The following DDX3X variants were observed in gnomAD, a reference collection of about 807,000 sequenced individuals.
DDX3X encodes the protein DEAD-box helicase 3 X-linked.
Under a neutral mutation model 52.7 loss-of-function variants are expected in DDX3X, and 4 were observed. The ratio of observed to expected loss-of-function variants is 0.08; its 90% CI spans 0.04 to 0.17. The LOEUF (loss-of-function observed/expected upper bound fraction) is 0.17. DDX3X is among the 10% of genes least tolerant of loss of function. DDX3X has a pLI of 1.00. For synonymous variants in DDX3X, 192 were observed against 178.1 expected (o/e 1.08, Z -0.62); for missense variants, 222 against 548.6 (o/e 0.40, Z 5.95).
In DDX3X at chrX:41,343,828, T is replaced by A. The variant is rs1277122647; in HGVS notation, c.765+6T>A. On this transcript the variant is annotated splice_donor_region_variant and intron_variant, in intron 8 of 16. Coordinates refer to ENST00000644876, the MANE Select transcript of DDX3X (RefSeq NM_001356.5). Reference sequence around the variant, plus strand: ...AGGCTTTGAGGGCCATGAAGGTAGATGTTTCTTTATAAAATGGGAAATTGT... The same window carrying A: ...AGGCTTTGAGGGCCATGAAGGTAGAAGTTTCTTTATAAAATGGGAAATTGT... 3 of 1,192,148 alleles carry A rather than the reference T, an allele frequency of 2.5e-6. No homozygotes were observed. The highest frequency in any genetic ancestry group is 4.4e-5 in the Admixed American group (2 of 44,972).
At position 41,344,406 on chromosome X, in the gene DDX3X, T is replaced by G; in HGVS notation, c.1025+7T>G. On this transcript the variant is annotated splice_region_variant and intron_variant, in intron 10 of 16. Coordinates refer to ENST00000644876, the MANE Select transcript of DDX3X (RefSeq NM_001356.5). ...TTGGATTAGACTTTTGCAAGTATGTTTTATTTTGTTTTTGTTTTTTTGTTT... is the reference window on the plus strand; with the variant it reads ...TTGGATTAGACTTTTGCAAGTATGTGTTATTTTGTTTTTGTTTTTTTGTTT... 1 of 1,208,984 alleles carries G rather than the reference T, an allele frequency of 8.3e-7. No individual in the cohort carries two copies. Among genetic ancestry groups the G allele is most frequent in the Non-Finnish European group, 1.1e-6 (1 of 893,392 alleles).
rs983347311 is a variant in DDX3X at position 41,334,478 on chromosome X, G to T, written c.45+181G>T. On this transcript the variant is annotated intron_variant, in intron 1 of 16. Coordinates refer to ENST00000644876, the MANE Select transcript of DDX3X (RefSeq NM_001356.5). ...GAATGTTGGTTGGGGCTGTCGCCCG[G>T]GCCCGGTCTCGGCCCGCTGTATTGT... 7.3e-6 allele frequency: 8 copies of T among 1,098,462 alleles called. No homozygotes were observed. In the African/African-American group the frequency reaches 1.3e-4, roughly 18 times the overall value. The allele number at this position is 1,098,462 out of a possible 1,213,427, so 90.5% of individuals were successfully genotyped here.
chrX:41,334,533 T>C (rs1044044270), intron 1 of DDX3X: 1 of 1,094,365 alleles, frequency 9.1e-7, no homozygotes. Flanking sequence ...GCGGCTTTTG[T>C]GTGTGCGTGC....
Position 41,345,343 on chromosome X carries a change from AATTTT to A in DDX3X, c.1170+24_1170+28del. ...AATACAGGTACTGTTTGATGTTGCAAATTTTATTTATTTAGAAATTTGTTTATCTC... is the reference window on the plus strand; with the variant it reads ...AATACAGGTACTGTTTGATGTTGCAAATTTATTTAGAAATTTGTTTATCTC... On this transcript the variant is annotated intron_variant, in intron 11 of 16. Transcript: ENST00000644876. 2 of 1,202,940 alleles carry A rather than the reference AATTTT, an allele frequency of 1.7e-6. No homozygotes were observed. Among genetic ancestry groups the A allele is most frequent in the Non-Finnish European group, 2.2e-6 (2 of 892,533 alleles).
rs773582897 is a variant in DDX3X, at chrX:41,350,091, G to T, written c.*2372G>T. On this transcript the variant is annotated 3_prime_UTR_variant, in exon 17 of 17. Transcript: ENST00000644876. ...AGGATTTAAACTTGCTGAATGTAAA[G>T]ATTGAACCTCAAGTCACTGTAGCTT... The T allele has an allele frequency of 4.5e-5, 5 of 112,230 alleles. No individual in the cohort carries two copies. In the Admixed American group the frequency reaches 4.8e-4, roughly 11 times the overall value. 9.2% of individuals were successfully genotyped at this position (112,230 alleles called of 1,213,427 possible). A position where few individuals can be genotyped will look rare whatever the true frequency, so the allele number is the denominator to read the frequency against.
chrX:41,352,171 C>T (rs767231950), downstream of DDX3X, among the ~76,000 whole-genome samples: 11 of 111,300 alleles, frequency 9.9e-5, no homozygotes, highest in African/African-American at 3.6e-4. Flanking sequence ...CAGCCACATC[C>T]CCAATTTCCT....
intron 5 of DDX3X, among the ~76,000 whole-genome samples, chrX:41,356,262 C>T (rs2064008524): frequency 9.4e-6 from 1 of 106,190 alleles, no homozygotes; most frequent in African/African-American, 3.4e-5. Context: ...GCCTCAGCCT[C>T]CCAAGTATCT....
rs913246746 is a variant in DDX3X at position 41,358,107 on chromosome X, C to T, written c.655-6167C>T. On this transcript the variant is annotated intron_variant, in intron 5 of 5. Transcript: ENST00000616050. ...TTTTTTTTTTTTTGAGATGGAGTTT[C>T]GCTATTGTTGCCCAGGCTGGAGTGC... 49 of 209,069 alleles carry T rather than the reference C, an allele frequency of 2.3e-4. No individual in the cohort carries two copies. The Admixed American group carries it at 4.3e-3, about 18-fold the overall frequency. The allele number at this position is 209,069 out of a possible 1,213,427, so 17.2% of individuals were successfully genotyped here. A position where few individuals can be genotyped will look rare whatever the true frequency, so the allele number is the denominator to read the frequency against.
chrX:41,350,725 A>G (rs899626030), downstream of DDX3X: 2 of 111,498 alleles, frequency 1.8e-5, no homozygotes, highest in Admixed American at 1.9e-4. Context: ...CCACGAGTTC[A>G]AGTCCAGCCT....
chrX:41,359,614 A>AAAT (rs1322523212), intron 5 of DDX3X, among the ~76,000 whole-genome samples: 1 of 106,238 alleles, frequency 9.4e-6, no homozygotes, highest in Non-Finnish European at 1.9e-5. Flanking sequence ...AAAAAAAAAA[A>AAAT]AGTTGCCTCC....
chrX:41,358,054 A>G lies in DDX3X; in HGVS notation c.655-6220A>G, dbSNP rs763727020. ...TTGGAAGGTTTCCTATCTGGGACAG[A>G]GATAGACACTCTTTTTTTTTTTTTT... On this transcript the variant is annotated intron_variant, in intron 5 of 5. Coordinates refer to the DDX3X transcript ENST00000616050. 30 of 148,370 alleles carry G rather than the reference A, an allele frequency of 2.0e-4. No individual in the cohort carries two copies. In the South Asian group the frequency reaches 0.013, roughly 64 times the overall value. The allele number at this position is 148,370 out of a possible 1,213,427, so 12.2% of individuals were successfully genotyped here.
At chrX:41,355,167 A>G (rs1213055792), downstream of DDX3X, among the ~76,000 whole-genome samples, 3 of 111,379 alleles carry the variant, frequency 2.7e-5, no homozygotes, top group Non-Finnish European at 5.6e-5. Flanking sequence ...TCTGTAGTTT[A>G]TCCGTTCAGC....
chrX:41,335,200 C>T (rs1365106540), intron 1 of DDX3X: 3 of 110,858 alleles, frequency 2.7e-5, no homozygotes, highest in Non-Finnish European at 5.7e-5. Flanking sequence ...CCCAGATTGT[C>T]CCTGTGTGGT....
chrX:41,333,427 C>T (rs1457182966), upstream of DDX3X: 1 of 108,997 alleles, frequency 9.2e-6, no homozygotes, highest in Admixed American at 9.7e-5. Flanking sequence ...CCCTCTTTTC[C>T]CTCCCTCTCC....
chrX:41,351,353 C>CATG (rs762310138), downstream of DDX3X: 5 of 112,105 alleles, frequency 4.5e-5, no homozygotes, highest in African/African-American at 1.6e-4. Flanking sequence ...ATGCAGTTGT[C>CATG]ACTCTTGGGC....
At chrX:41,362,129 C>T (rs1275349254) in intron 5 of DDX3X, among the ~76,000 whole-genome samples, 4 of 93,866 alleles carry the variant, frequency 4.3e-5, no homozygotes, top group Non-Finnish European at 8.2e-5. Flanking sequence ...GCTCTTGTTG[C>T]CCAGACTGGA....
In DDX3X at chrX:41,343,613, T is replaced by C. The variant is rs182951770; in HGVS notation, c.680-124T>C. On this transcript the variant is annotated intron_variant, in intron 7 of 16. Coordinates refer to ENST00000644876, the MANE Select transcript of DDX3X (RefSeq NM_001356.5). ...AGAGGTGGAGCAGAGAAGCCACTTTTTGGAAAACTTAAGCATAAACTAAAA... is the reference window on the plus strand; with the variant it reads ...AGAGGTGGAGCAGAGAAGCCACTTTCTGGAAAACTTAAGCATAAACTAAAA... 2.5e-3 allele frequency: 1,660 copies of C among 657,073 alleles called. 38 individuals carry two copies. In the Admixed American group the frequency reaches 0.061, roughly 24 times the overall value. 54.2% of individuals were successfully genotyped at this position (657,073 alleles called of 1,213,427 possible).
At chrX:41,334,616 T>C in intron 1 of DDX3X, 1 of 1,082,394 alleles carries the variant, frequency 9.2e-7, no homozygotes, top group East Asian at 3.9e-5. Flanking sequence ...GACTGATTAG[T>C]GACCTGGGGG....
At chrX:41,334,805 C>T (rs1314669620) in intron 1 of DDX3X, 3 of 906,774 alleles carry the variant, frequency 3.3e-6, no homozygotes, top group Non-Finnish European at 2.8e-6. Context: ...AGGGGGCGGC[C>T]TTCGCTCGGG....
Sources: gnomAD v4.1 joint callset for allele counts (sites outside exome capture counted in the v4.1 genomes callset) on GRCh38, gnomAD v4.1.1 for gene constraint, MANE v1.5 for transcripts, NCBI Gene and HGNC (gene_info 2026-07-23, HGNC 2026-07-21) for gene names.